MOCOS: variants seen among roughly 807,000 people sequenced by gnomAD.
MOCOS encodes human molybdenum cofactor sulfurase.
Under a neutral mutation model 83.6 loss-of-function variants are expected in MOCOS, and 86 were observed. That is an observed-to-expected ratio of 1.03 (90% CI 0.86 to 1.23). MOCOS has a LOEUF of 1.23. Ranked by LOEUF, MOCOS falls within the 50% of genes most tolerant of loss-of-function variation. The probability of loss-of-function intolerance (pLI) is 0.00; values close to 1 mark genes in which losing one functional copy is unlikely to be tolerated. For synonymous variants in MOCOS, 445 were observed against 434.7 expected, an observed-to-expected ratio of 1.02 and a Z score of -0.29; for missense variants, 1,120 against 1,126.9, an observed-to-expected ratio of 0.99 and a Z score of 0.09.
chr18:36,246,455 CAA>C (rs765836622), intron 9 of MOCOS, among the ~76,000 whole-genome samples: 2 of 152,218 alleles, frequency 1.3e-5, no homozygotes, highest in Non-Finnish European at 2.9e-5. Flanking sequence ...GAACTGTCTG[CAA>C]AGAGTCCTGT....
At chr18:36,238,669 G>A (rs796346287) in intron 9 of MOCOS, among the ~76,000 whole-genome samples, 1 of 129,258 alleles carries the variant, frequency 7.7e-6, no homozygotes, top group African/African-American at 2.7e-5. Flanking sequence ...GCAGAGCTGA[G>A]TTCAATTCCT....
intron 4 of MOCOS, among the ~76,000 whole-genome samples, chr18:36,202,357 C>T (rs1392419360): frequency 6.6e-6 from 1 of 152,106 alleles, no homozygotes; most frequent in East Asian, 1.9e-4. Flanking sequence ...GTCTTGCTAT[C>T]TAGAGATGGG....
chr18:36,222,326 C>T (rs142532508), intron 9 of MOCOS, among the ~76,000 whole-genome samples: 1 of 152,242 alleles, frequency 6.6e-6, no homozygotes, highest in African/African-American at 2.4e-5. Flanking sequence ...TTCATATTAA[C>T]TGAAAAATTT....
intron 9 of MOCOS, among the ~76,000 whole-genome samples, chr18:36,238,608 C>G (rs1598586405): frequency 6.8e-6 from 1 of 146,682 alleles, no homozygotes; most frequent in African/African-American, 2.5e-5. Flanking sequence ...AATGTATATT[C>G]TGTTGATTTG....
Position 36,268,410 on chromosome 18 carries a change from C to T in MOCOS, c.2515-123C>T, listed in dbSNP as rs1598598935. On this transcript the variant is annotated intron_variant, in intron 14 of 14. Coordinates refer to ENST00000261326, the MANE Select transcript of MOCOS (RefSeq NM_017947.4). ...CTACTGTGTAACAGATAGGAGATAT[C>T]AAGTCTCAGTATATGTCTTTAAAAA... The T allele has an allele frequency of 3.4e-6, 4 of 1,189,414 alleles. No individual in the cohort carries two copies. The East Asian group carries it at 9.9e-5, about 30-fold the overall frequency. 73.7% of individuals were successfully genotyped at this position (1,189,414 alleles called of 1,614,324 possible). A position where few individuals can be genotyped will look rare whatever the true frequency, so the allele number is the denominator to read the frequency against.
Position 36,220,131 on chromosome 18 carries a change from G to C in MOCOS, c.1874G>C (p.Cys625Ser), listed in dbSNP as rs1373435361. The part of the protein sequence containing the change: ...SWMVVNHNGV[C>S]LSQKQEPRLC... ...ATGGTTGTGAATCACAATGGTGTTT[G>C]CCTGAGTCAGAAGCAGGAACCCCGG... Residue 625 changes from cysteine to serine, a missense_variant, in exon 9 of 15, where the codon TGC becomes TCC. Transcript: ENST00000261326. 6.2e-7 allele frequency: 1 copy of C among 1,613,970 alleles called. No homozygotes were observed. The highest frequency in any genetic ancestry group is 8.5e-7 in the Non-Finnish European group (1 of 1,180,034).
At position 36,215,949 on chromosome 18, in the gene MOCOS, A is replaced by C; in HGVS notation, c.1769A>C (p.Tyr590Ser). The C allele has an allele frequency of 6.2e-7, 1 of 1,613,444 alleles. No individual in the cohort carries two copies. The change falls in exon 8 of 15, where the codon TAT (tyrosine) becomes TCT (serine). Residue 590 changes from tyrosine (Y) to serine (S), a missense_variant. Transcript: ENST00000261326. ...CATGTTGTCACTAACCTTTATCTCT[A>C]TCCAATCAAATCCTGTGCTGCATTT... is the stretch of plus-strand genomic sequence containing the variant. ...GPHVVTNLYL[Y>S]PIKSCAAFEV...
rs34976015 is a variant in MOCOS at position 36,228,836 on chromosome 18, G to GAA, written c.1960+8636_1960+8637dup. Among the ~76,000 whole-genome samples, 403 of 116,396 alleles carry GAA rather than the reference G, an allele frequency of 3.5e-3. 2 individuals carry two copies. The highest frequency in any genetic ancestry group is 0.012 in the African/African-American group (371 of 30,640). The allele number at this position is 116,396 out of a possible 152,430, so 76.4% of individuals were successfully genotyped here. A position where few individuals can be genotyped will look rare whatever the true frequency, so the allele number is the denominator to read the frequency against. On this transcript the variant is annotated intron_variant, in intron 9 of 14. Coordinates refer to ENST00000261326, the MANE Select transcript of MOCOS (RefSeq NM_017947.4). ...ACTTGTACCACGGAACTTAAAAGTT[G>GAA]AAAAAAAAAAAAAAAAAAGATGAGA...
Position 36,220,084 on chromosome 18 carries a change from G to T in MOCOS, c.1827G>T (p.Gly609=). The change falls in exon 9 of 15, where the codon GGG becomes GGT. Residue 609 remains glycine, a synonymous_variant. Coordinates refer to ENST00000261326, the MANE Select transcript of MOCOS (RefSeq NM_017947.4). Reference sequence around the variant, plus strand: ...CCAGGTGGCCTGTAGGAAACCAAGGGCTGCTATATGACCGGAGCTGGATGG... The same window carrying T: ...CCAGGTGGCCTGTAGGAAACCAAGGTCTGCTATATGACCGGAGCTGGATGG... The part of the protein sequence containing the change: ...EVTRWPVGNQ[G]LLYDRSWMVV... The T allele has an allele frequency of 1.9e-6, 3 of 1,613,548 alleles. No individual in the cohort carries two copies. The highest frequency in any genetic ancestry group is 2.5e-6 in the Non-Finnish European group (3 of 1,180,032).
At chr18:36,264,194 A>T (rs2091673694) in intron 13 of MOCOS, among the ~76,000 whole-genome samples, 1 of 152,164 alleles carries the variant, frequency 6.6e-6, no homozygotes, top group South Asian at 2.1e-4. Context: ...AGAAAAAAAA[A>T]GGTAAAAGAA....
rs2091475287 is a variant in MOCOS at position 36,215,972 on chromosome 18, T to C, written c.1792T>C (p.Phe598Leu). 2 of 1,612,364 alleles carry C rather than the reference T, an allele frequency of 1.2e-6. No homozygotes were observed. The highest frequency in any genetic ancestry group is 1.3e-5 in the African/African-American group (1 of 75,066). The change falls in exon 8 of 15, where the codon TTT becomes CTT. Residue 598 changes from phenylalanine to leucine, a missense_variant. Coordinates refer to ENST00000261326, the MANE Select transcript of MOCOS (RefSeq NM_017947.4). Reference sequence around the variant, plus strand: ...CTATCCAATCAAATCCTGTGCTGCATTTGAGGTAAGGAATTTCACAGCAGC... The same window carrying C: ...CTATCCAATCAAATCCTGTGCTGCACTTGAGGTAAGGAATTTCACAGCAGC... ...YLYPIKSCAA[F>L]EVTRWPVGNQ...
intron 9 of MOCOS, among the ~76,000 whole-genome samples, chr18:36,230,263 T>C (rs2091533072): frequency 6.6e-6 from 1 of 152,104 alleles, no homozygotes; most frequent in Non-Finnish European, 1.5e-5. Flanking sequence ...TTTTTTTGTA[T>C]TTTTAGAGAT....
intron 13 of MOCOS, among the ~76,000 whole-genome samples, chr18:36,262,275 A>ACACACT (rs1480956436): frequency 6.6e-6 from 1 of 151,310 alleles, no homozygotes; most frequent in African/African-American, 2.4e-5. Flanking sequence ...ACACACACAC[A>ACACACT]CGAAAAATTA....
At chr18:36,237,363 G>T (rs1454148352) in intron 9 of MOCOS, among the ~76,000 whole-genome samples, 3 of 151,982 alleles carry the variant, frequency 2.0e-5, no homozygotes, top group Non-Finnish European at 4.4e-5. Context: ...TTTTGTCAAA[G>T]GCCTTTTCTG....
At chr18:36,266,665 G>A (rs577793326) in intron 13 of MOCOS, 84 bp from the exon 14 acceptor site, 2 of 1,134,268 alleles carry the variant, frequency 1.8e-6, no homozygotes, top group African/African-American at 1.5e-5. Context: ...AGGGGACTGG[G>A]CATTTCTGTG....
intron 9 of MOCOS, among the ~76,000 whole-genome samples, chr18:36,228,784 G>A (rs189707518): frequency 1.3e-3 from 197 of 147,896 alleles, no homozygotes; most frequent in African/African-American, 4.7e-3. Context: ...CCCCCATAAC[G>A]CAAGTTTACC....
intron 9 of MOCOS, among the ~76,000 whole-genome samples, chr18:36,246,982 G>A (rs1462240827): frequency 6.6e-6 from 1 of 152,002 alleles, no homozygotes; most frequent in Admixed American, 6.5e-5. Flanking sequence ...TCAGGTGGGG[G>A]CAGGTTAGGT....
At chr18:36,199,335 C>T (rs8095718) in intron 3 of MOCOS, among the ~76,000 whole-genome samples, 12,751 of 152,184 alleles carry the variant, frequency 0.084, 694 homozygotes, top group African/African-American at 0.14. Context: ...GTTGCCAAAA[C>T]TAAAAGCAAT....
intron 11 of MOCOS, 143 bp from the exon 12 acceptor site, chr18:36,256,825 A>T: frequency 2.6e-6 from 2 of 759,562 alleles, no homozygotes; most frequent in Non-Finnish European, 4.7e-6. Flanking sequence ...CATGCTTAGG[A>T]CATTTTTATT....
Sources: gnomAD v4.1 joint callset for allele counts (sites outside exome capture counted in the v4.1 genomes callset) on GRCh38, gnomAD v4.1.1 for gene constraint, MANE v1.5 for transcripts, NCBI Gene and HGNC (gene_info 2026-07-23, HGNC 2026-07-21) for gene names.